TNFSF4: variants seen among roughly 807,000 people sequenced by gnomAD.
TNFSF4 encodes tumor necrosis factor ligand superfamily member 4.
A neutral mutation model predicts 7.3 loss-of-function variants in TNFSF4; 4 were observed. The ratio of observed to expected loss-of-function variants is 0.55; its 90% CI spans 0.27 to 1.25. The LOEUF (loss-of-function observed/expected upper bound fraction) is 1.25. Ranked by LOEUF, TNFSF4 falls within the 50% of genes most tolerant of loss-of-function variation. The pLI is 0.12. For missense variants in TNFSF4, 181 were observed against 208.8 expected (o/e 0.87, Z 0.82); for synonymous variants, 76 against 83.7 (o/e 0.91, Z 0.50).
At chr1:173,402,853 A>AT in the TNFSF4 span, among the ~76,000 whole-genome samples, 17,748 of 144,754 alleles carry the variant, frequency 0.12, 1,179 homozygotes, top group East Asian at 0.28. Flanking sequence ...GAGAATTTGC[A>AT]TTTTTTTTTT....
At chr1:173,298,822 G>C in the TNFSF4 span, among the ~76,000 whole-genome samples, 1 of 151,846 alleles carries the variant, frequency 6.6e-6, no homozygotes, top group African/African-American at 2.4e-5. Flanking sequence ...GGCAGATTTT[G>C]GTAAGGACCC....
At chr1:173,221,114 A>G in the TNFSF4 span, among the ~76,000 whole-genome samples, 11 of 152,190 alleles carry the variant, frequency 7.2e-5, no homozygotes, top group Non-Finnish European at 1.3e-4. Flanking sequence ...AAAGCCTAAG[A>G]CAAAAACAAC....
the TNFSF4 span, among the ~76,000 whole-genome samples, chr1:173,364,387 A>G: frequency 6.7e-6 from 1 of 148,770 alleles, no homozygotes; most frequent in Non-Finnish European, 1.5e-5. Flanking sequence ...ATGTGTATAT[A>G]TATATATATA....
chr1:173,340,187 A>G, the TNFSF4 span, among the ~76,000 whole-genome samples: 13 of 152,120 alleles, frequency 8.5e-5, no homozygotes, highest in Admixed American at 6.5e-4. Flanking sequence ...AGTTTTTCCC[A>G]GGTCTCGAGC....
the TNFSF4 span, among the ~76,000 whole-genome samples, chr1:173,406,041 G>A: frequency 1.3e-5 from 2 of 152,178 alleles, no homozygotes; most frequent in Admixed American, 1.3e-4. Flanking sequence ...GTGCATTTGA[G>A]TTATCTGGTA....
chr1:173,340,476 T>C, the TNFSF4 span, among the ~76,000 whole-genome samples: 2 of 152,026 alleles, frequency 1.3e-5, no homozygotes, highest in Non-Finnish European at 2.9e-5. Flanking sequence ...ATGGACCATT[T>C]GAGGTGATGA....
At chr1:173,412,518 T>C in the TNFSF4 span, among the ~76,000 whole-genome samples, 1 of 152,214 alleles carries the variant, frequency 6.6e-6, no homozygotes. Context: ...GAACTAATAT[T>C]CCTAAAAAGA....
At chr1:173,219,029 T>C in the TNFSF4 span, among the ~76,000 whole-genome samples, 2 of 152,180 alleles carry the variant, frequency 1.3e-5, no homozygotes, top group Non-Finnish European at 2.9e-5. Flanking sequence ...TCTTTTTTTT[T>C]CATGGAAAAA....
the TNFSF4 span, among the ~76,000 whole-genome samples, chr1:173,301,804 C>T: frequency 7.9e-5 from 12 of 151,590 alleles, no homozygotes; most frequent in African/African-American, 2.9e-4. Flanking sequence ...TCTGCTACCA[C>T]CCATGCACCC....
chr1:173,363,738 G>A, the TNFSF4 span: 14 of 198,644 alleles, frequency 7.0e-5, no homozygotes, highest in African/African-American at 2.4e-4. Flanking sequence ...AGAGACCAAC[G>A]CCACCCAGGG....
At chr1:173,246,614 A>G in the TNFSF4 span, among the ~76,000 whole-genome samples, 1 of 152,248 alleles carries the variant, frequency 6.6e-6, no homozygotes. Flanking sequence ...AATGCTGAAC[A>G]TAAATTTGCT....
chr1:173,371,701 A>G, the TNFSF4 span, among the ~76,000 whole-genome samples: 2 of 152,322 alleles, frequency 1.3e-5, no homozygotes, highest in South Asian at 2.1e-4. Flanking sequence ...AGACTAATCA[A>G]TGAGGCAGTA....
the TNFSF4 span, among the ~76,000 whole-genome samples, chr1:173,283,927 CAAAAAA>C: frequency 1.6e-5 from 1 of 62,436 alleles, no homozygotes. Flanking sequence ...CTTATGAATG[CAAAAAA>C]AAAAAAAAAA....
chr1:173,404,634 A>AT, the TNFSF4 span, among the ~76,000 whole-genome samples: 141 of 143,292 alleles, frequency 9.8e-4, no homozygotes, highest in East Asian at 9.4e-3. Context: ...CCTGACTGCC[A>AT]TTTTTTTTTT....
At position 173,198,741 on chromosome 1, in the gene TNFSF4, C is replaced by T. The variant is rs182954967; in HGVS notation, c.153+8283G>A. On this transcript the variant is annotated intron_variant, in intron 1 of 2. Transcript: ENST00000281834. ...TGTATAACAAGCTTGCACATGTACC[C>T]CTGAACCTAAAATAAAAGTTAAAAA... Among the ~76,000 whole-genome samples, 356 of 152,266 alleles carry T rather than the reference C, an allele frequency of 2.3e-3. 1 individual carries two copies. The highest frequency in any genetic ancestry group is 8.4e-3 in the African/African-American group (350 of 41,564).
chr1:173,220,048 TA>T, the TNFSF4 span, among the ~76,000 whole-genome samples: 8 of 150,274 alleles, frequency 5.3e-5, no homozygotes, highest in South Asian at 2.1e-4. Flanking sequence ...CCTATTAAAA[TA>T]AAAAAAAATT....
At chr1:173,196,993 C>CA (rs2101992264) in intron 1 of TNFSF4, among the ~76,000 whole-genome samples, 1 of 152,318 alleles carries the variant, frequency 6.6e-6, no homozygotes, top group Admixed American at 6.5e-5. Context: ...AACATAATGG[C>CA]ACTTAGTAAA....
the TNFSF4 span, among the ~76,000 whole-genome samples, chr1:173,308,301 GTGTGTGTGTGTC>G: frequency 4.0e-5 from 6 of 149,844 alleles, no homozygotes; most frequent in African/African-American, 7.4e-5. Context: ...GTGTGTGTGT[GTGTGTGTGTGTC>G]TGTGTGTGTG....
the TNFSF4 span, among the ~76,000 whole-genome samples, chr1:173,265,070 C>G: frequency 2.6e-5 from 4 of 152,120 alleles, no homozygotes; most frequent in Non-Finnish European, 2.9e-5. Flanking sequence ...GAAGGCTTGA[C>G]CAGAGGAGAC....
Sources: gnomAD v4.1 joint callset for allele counts (sites outside exome capture counted in the v4.1 genomes callset) on GRCh38, gnomAD v4.1.1 for gene constraint, MANE v1.5 for transcripts, NCBI Gene and HGNC (gene_info 2026-07-23, HGNC 2026-07-21) for gene names.